Variants in DMXL1 observed in about 807,000 individuals in gnomAD.
DMXL1 encodes dmX-like protein 1.
Under a neutral mutation model 319.2 loss-of-function variants are expected in DMXL1, and 99 were observed. That is an observed-to-expected ratio of 0.31 (90% confidence interval 0.26 to 0.37). The LOEUF (loss-of-function observed/expected upper bound fraction) is 0.37. Ranked by LOEUF, DMXL1 falls within the 10% of genes least tolerant of loss-of-function variation. The probability of loss-of-function intolerance (pLI) is 1.00; values close to 1 mark genes in which losing one functional copy is unlikely to be tolerated. For missense variants in DMXL1, 3,745 were observed against 3,595.6 expected, an observed-to-expected ratio of 1.04 and a Z score of -1.06; for synonymous variants, 1,385 against 1,235.2, an observed-to-expected ratio of 1.12 and a Z score of -2.54.
In DMXL1 at chr5:119,171,300, G is replaced by C. The variant is rs1307051543; in HGVS notation, c.6489+20G>C. The C allele has an allele frequency of 1.3e-6, 2 of 1,553,678 alleles. No individual in the cohort carries two copies. The highest frequency in any genetic ancestry group is 1.7e-6 in the Non-Finnish European group (2 of 1,152,038). ...CAGCAGGTATGTAATTTACTTGATAGTCAAAAATGGTACATGTCTAAAACT... is the reference window on the plus strand; with the variant it reads ...CAGCAGGTATGTAATTTACTTGATACTCAAAAATGGTACATGTCTAAAACT... On this transcript the variant is annotated intron_variant, in intron 24 of 43. Coordinates refer to ENST00000539542, the MANE Select transcript of DMXL1 (RefSeq NM_001290321.3).
At chr5:119,229,160 G>GAA (rs1238134732) in intron 38 of DMXL1, among the ~76,000 whole-genome samples, 2 of 111,046 alleles carry the variant, frequency 1.8e-5, no homozygotes, top group African/African-American at 3.3e-5. Context: ...CACAATAAAG[G>GAA]AAAAAAAAAA....
intron 1 of DMXL1, among the ~76,000 whole-genome samples, chr5:119,078,981 A>T (rs1364589930): frequency 6.6e-6 from 1 of 152,172 alleles, no homozygotes; most frequent in East Asian, 1.9e-4. Context: ...CAGTCTGATG[A>T]AATTCCACAC....
intron 34 of DMXL1, among the ~76,000 whole-genome samples, chr5:119,216,216 A>G (rs1411952001): frequency 1.4e-5 from 2 of 147,156 alleles, no homozygotes; most frequent in African/African-American, 2.5e-5. Flanking sequence ...TGTCGATTTT[A>G]TATAGTATTC....
At chr5:119,233,034 T>G (rs1455388095) in intron 38 of DMXL1, among the ~76,000 whole-genome samples, 1 of 151,736 alleles carries the variant, frequency 6.6e-6, no homozygotes, top group Non-Finnish European at 1.5e-5. Flanking sequence ...GAGTAATATA[T>G]AATTTATTAT....
At chr5:119,194,948 C>A (rs140199311) in intron 30 of DMXL1, among the ~76,000 whole-genome samples, 1 of 151,322 alleles carries the variant, frequency 6.6e-6, no homozygotes, top group Admixed American at 6.6e-5. Flanking sequence ...TCTCCAAAGA[C>A]GATATGAAAA....
Position 119,119,011 on chromosome 5 carries a change from GT to G in DMXL1, c.933+12del. On this transcript the variant is annotated splice_region_variant and intron_variant, in intron 8 of 43. Coordinates refer to ENST00000539542, the MANE Select transcript of DMXL1 (RefSeq NM_001290321.3). ...AGTTCAAAATGCTTTAGAAGTGAGT[GT>G]TTTTGTTACATTACTTACTACAAGT... The G allele has an allele frequency of 6.3e-7, 1 of 1,589,064 alleles. No individual in the cohort carries two copies. The highest frequency in any genetic ancestry group is 8.6e-7 in the Non-Finnish European group (1 of 1,167,158).
chr5:119,245,452 T>C (rs1789561627), intron 43 of DMXL1, among the ~76,000 whole-genome samples: 1 of 152,230 alleles, frequency 6.6e-6, no homozygotes, highest in East Asian at 1.9e-4. Flanking sequence ...AATATATATA[T>C]ACCAACAGAA....
intron 32 of DMXL1, among the ~76,000 whole-genome samples, chr5:119,201,130 A>T (rs1015125980): frequency 1.3e-5 from 2 of 152,170 alleles, no homozygotes; most frequent in African/African-American, 4.8e-5. Context: ...GAGACAAAGC[A>T]TCCTTGTCTT....
chr5:119,105,586 G>C (rs1758152782), intron 4 of DMXL1, among the ~76,000 whole-genome samples: 1 of 152,060 alleles, frequency 6.6e-6, no homozygotes, highest in African/African-American at 2.4e-5. Context: ...AGATGGAACA[G>C]GAAAAAAGTG....
chr5:119,222,697 C>T (rs1784849360), intron 37 of DMXL1, among the ~76,000 whole-genome samples: 1 of 152,154 alleles, frequency 6.6e-6, no homozygotes, highest in African/African-American at 2.4e-5. Flanking sequence ...TTTCAGATTT[C>T]CCAATACGGC....
intron 13 of DMXL1, among the ~76,000 whole-genome samples, chr5:119,135,024 A>G (rs4639262): frequency 0.48 from 73,310 of 152,140 alleles, 19,363 homozygotes; most frequent in East Asian, 0.95. Context: ...CAATTAATGT[A>G]TTTGTTAATG....
At chr5:119,230,352 T>C (rs1786446708) in intron 38 of DMXL1, among the ~76,000 whole-genome samples, 1 of 152,234 alleles carries the variant, frequency 6.6e-6, no homozygotes, top group Admixed American at 6.5e-5. Flanking sequence ...TGGGTCTGTT[T>C]CTATCTTTCT....
intron 35 of DMXL1, among the ~76,000 whole-genome samples, chr5:119,217,720 T>A (rs1381269055): frequency 6.6e-6 from 1 of 152,198 alleles, no homozygotes; most frequent in Non-Finnish European, 1.5e-5. Flanking sequence ...AAAATAATTG[T>A]TAAATGTTAT....
At chr5:119,154,308 C>G (rs766529543) in intron 19 of DMXL1, among the ~76,000 whole-genome samples, 33 of 152,196 alleles carry the variant, frequency 2.2e-4, no homozygotes, top group African/African-American at 7.7e-4. Flanking sequence ...GAAAGCTAAG[C>G]CTCTTGTGCC....
chr5:119,159,084 G>A (rs1771698178), intron 19 of DMXL1, among the ~76,000 whole-genome samples: 2 of 152,062 alleles, frequency 1.3e-5, no homozygotes, highest in South Asian at 2.1e-4. Context: ...AGAATTCACC[G>A]GTGATGCGAT....
intron 42 of DMXL1, among the ~76,000 whole-genome samples, chr5:119,243,573 C>T (rs927824062): frequency 9.2e-5 from 14 of 152,232 alleles, no homozygotes; most frequent in African/African-American, 3.1e-4. Flanking sequence ...TTATATTTCT[C>T]ATACTGCTGT....
chr5:119,109,421 C>T (rs1214067776), intron 4 of DMXL1, among the ~76,000 whole-genome samples: 1 of 152,100 alleles, frequency 6.6e-6, no homozygotes, highest in African/African-American at 2.4e-5. Flanking sequence ...GTAACAACTC[C>T]CCCACAATCC....
chr5:119,218,545 C>T (rs933395987), intron 35 of DMXL1, among the ~76,000 whole-genome samples: 7 of 152,136 alleles, frequency 4.6e-5, no homozygotes, highest in East Asian at 3.8e-4. Context: ...CAACCTCTGC[C>T]TCCCGGGTTC....
At chr5:119,125,241 G>A (rs1763260066) in intron 9 of DMXL1, among the ~76,000 whole-genome samples, 2 of 151,924 alleles carry the variant, frequency 1.3e-5, no homozygotes, top group African/African-American at 4.8e-5. Flanking sequence ...TCTCTTCAAG[G>A]GTAAAAAGAC....
Sources: gnomAD v4.1 joint callset for allele counts (sites outside exome capture counted in the v4.1 genomes callset) on GRCh38, gnomAD v4.1.1 for gene constraint, MANE v1.5 for transcripts, NCBI Gene and HGNC (gene_info 2026-07-23, HGNC 2026-07-21) for gene names.